Variants in DHX35 observed in about 807,000 individuals in gnomAD.
The protein encoded by DHX35 is DEAH-box helicase 35, also known as probable ATP-dependent RNA helicase DHX35.
Under a neutral mutation model 99.6 loss-of-function variants are expected in DHX35, and 84 were observed. The observed-to-expected ratio is 0.84, with a 90% CI of 0.71 to 1.01. The LOEUF is 1.01. Among genes scored for constraint, DHX35 ranks in the 50% least tolerant of loss-of-function variants. DHX35 has a pLI of 0.00. For synonymous variants in DHX35, 331 were observed against 316.2 expected, an observed-to-expected ratio of 1.05 and a Z score of -0.50; for missense variants, 852 against 888.5, an observed-to-expected ratio of 0.96 and a Z score of 0.52.
In DHX35 at chr20:39,002,792, A is replaced by T; in HGVS notation, c.776A>T (p.Lys259Ile). ...YLQSPVPDYIKSTVETVVKIH... is the reference protein window; with the variant it reads ...YLQSPVPDYIISTVETVVKIH... The stretch of plus-strand genomic sequence containing the variant: ...TTCAGTCCTGTTCCAGATTATATCA[A>T]ATCAACTGTCGAAACTGTGGTGAAA... The change falls in exon 10 of 22, where the codon AAA (lysine) becomes ATA (isoleucine). Residue 259 changes from lysine (K) to isoleucine (I), a missense_variant. Coordinates refer to ENST00000252011, the MANE Select transcript of DHX35 (RefSeq NM_021931.4). 6.2e-7 allele frequency: 1 copy of T among 1,614,204 alleles called. No individual in the cohort carries two copies. Among genetic ancestry groups the T allele is most frequent in the Non-Finnish European group, 8.5e-7 (1 of 1,180,020 alleles).
chr20:39,019,209 A>G (rs544851133), intron 15 of DHX35, among the ~76,000 whole-genome samples: 1 of 152,052 alleles, frequency 6.6e-6, no homozygotes, highest in African/African-American at 2.4e-5. Context: ...AACCACCACT[A>G]CTTTCTGTCT....
chr20:38,970,951 T>C (rs950588901), intron 2 of DHX35, among the ~76,000 whole-genome samples: 2 of 151,858 alleles, frequency 1.3e-5, no homozygotes, highest in African/African-American at 4.8e-5. Context: ...TTAAGTACAG[T>C]TGAGATCTTA....
At chr20:38,991,860 C>G (rs1211677446) in intron 6 of DHX35, among the ~76,000 whole-genome samples, 1 of 152,172 alleles carries the variant, frequency 6.6e-6, no homozygotes, top group African/African-American at 2.4e-5. Context: ...TTTATCACTT[C>G]CCCCTCTTTG....
intron 12 of DHX35, among the ~76,000 whole-genome samples, chr20:39,007,013 A>G (rs1475545125): frequency 6.6e-6 from 1 of 152,208 alleles, no homozygotes; most frequent in East Asian, 1.9e-4. Context: ...AATGCTGCTG[A>G]CATTTTCCCC....
chr20:39,004,355 G>A (rs2086577976), intron 11 of DHX35, among the ~76,000 whole-genome samples: 3 of 152,290 alleles, frequency 2.0e-5, no homozygotes, highest in East Asian at 1.9e-4. Flanking sequence ...GTCAGCCACC[G>A]TGCCCGGCCT....
intron 20 of DHX35, among the ~76,000 whole-genome samples, chr20:39,031,138 G>C (rs1041468844): frequency 4.0e-5 from 6 of 151,790 alleles, no homozygotes. Context: ...CTCTAGCCTG[G>C]GTGACAGAGT....
At position 39,010,284 on chromosome 20, in the gene DHX35, A is replaced by C. The variant is rs959277140; in HGVS notation, c.1227A>C (p.Glu409Asp). Residue 409 changes from glutamate (E) to aspartate (D), a missense_variant, in exon 13 of 22, where the codon GAA (glutamate) becomes GAC (aspartate). Coordinates refer to ENST00000252011, the MANE Select transcript of DHX35 (RefSeq NM_021931.4). ...SGKCYRLYTEEAFDKLPQSTV... is the reference protein window; with the variant it reads ...SGKCYRLYTEDAFDKLPQSTV... ...GTTCTGATTTCCTATCCTCAGAGGA[A>C]GCCTTTGACAAGTTGCCTCAGTCTA... 1 of 1,614,000 alleles carries C rather than the reference A, an allele frequency of 6.2e-7. No homozygotes were observed.
chr20:39,027,909 G>A (rs1466129160), intron 18 of DHX35, among the ~76,000 whole-genome samples: 1 of 152,194 alleles, frequency 6.6e-6, no homozygotes, highest in Non-Finnish European at 1.5e-5. Context: ...GAAGATGTTA[G>A]CTGTAGCAAT....
chr20:38,999,788 A>C (rs1214107545), intron 8 of DHX35, among the ~76,000 whole-genome samples: 1 of 152,178 alleles, frequency 6.6e-6, no homozygotes, highest in African/African-American at 2.4e-5. Flanking sequence ...CAAAATGGCC[A>C]CTGGAGTCTG....
intron 15 of DHX35, among the ~76,000 whole-genome samples, chr20:39,020,331 C>G (rs2086853497): frequency 6.6e-6 from 1 of 152,144 alleles, no homozygotes; most frequent in Non-Finnish European, 1.5e-5. Context: ...CTACTATTTT[C>G]CATTAATAGG....
chr20:38,983,586 G>A (rs772986355), intron 3 of DHX35, 113 bp from the exon 4 acceptor site: 14 of 770,378 alleles, frequency 1.8e-5, no homozygotes, highest in Non-Finnish European at 2.8e-5. Flanking sequence ...GCTGGGACAA[G>A]AACTGTACTT....
chr20:39,020,323 A>G (rs1316720461), intron 15 of DHX35, among the ~76,000 whole-genome samples: 1 of 152,188 alleles, frequency 6.6e-6, no homozygotes, highest in Non-Finnish European at 1.5e-5. Context: ...GTAGTGCCCT[A>G]CTATTTTCCA....
At chr20:39,005,038 A>G (rs2086589853) in intron 11 of DHX35, among the ~76,000 whole-genome samples, 1 of 141,724 alleles carries the variant, frequency 7.1e-6, no homozygotes, top group South Asian at 2.2e-4. Flanking sequence ...CAGCTGTAAA[A>G]CGTAAATAAT....
chr20:39,028,880 T>G (rs1271989894), intron 19 of DHX35, among the ~76,000 whole-genome samples: 1 of 152,190 alleles, frequency 6.6e-6, no homozygotes, highest in African/African-American at 2.4e-5. Flanking sequence ...ACGACTGAAG[T>G]CCCCTCCCAC....
rs981295126 is a variant in DHX35, at chr20:39,034,097, C to T, written c.1956-109C>T. On this transcript the variant is annotated intron_variant, in intron 20 of 21. Transcript: ENST00000252011. ...TGCATGTGTTTAGCACAGTGTCTGGCACATAGAGTAGAACCTGTTAAAGGT... is the reference window on the plus strand; with the variant it reads ...TGCATGTGTTTAGCACAGTGTCTGGTACATAGAGTAGAACCTGTTAAAGGT... The T allele has an allele frequency of 4.0e-5, 31 of 772,212 alleles. No homozygotes were observed. In the Admixed American group the frequency reaches 6.2e-4, roughly 15 times the overall value. The allele number at this position is 772,212 out of a possible 1,614,324, so 47.8% of individuals were successfully genotyped here.
At chr20:38,975,190 GAAAGGTAGACAGACCTAGT>G (rs1402241019) in intron 3 of DHX35, among the ~76,000 whole-genome samples, 1 of 152,058 alleles carries the variant, frequency 6.6e-6, no homozygotes, top group Non-Finnish European at 1.5e-5. Context: ...GACAGCTAGG[GAAAGGTAGACAGACCTAGT>G]AAAGGTAGAT....
intron 4 of DHX35, among the ~76,000 whole-genome samples, 191 bp downstream of exon 4, chr20:38,983,967 T>C (rs1254159343): frequency 6.6e-6 from 1 of 152,202 alleles, no homozygotes; most frequent in Non-Finnish European, 1.5e-5. Context: ...TGGGGTGCAA[T>C]GGAGCTATCT....
intron 4 of DHX35, among the ~76,000 whole-genome samples, chr20:38,988,485 C>G (rs2086282545): frequency 6.6e-6 from 1 of 152,068 alleles, no homozygotes; most frequent in South Asian, 2.1e-4. Context: ...CAAAAATTAG[C>G]TGGGCCTGGT....
chr20:38,962,405 C>G lies in DHX35; in HGVS notation c.38C>G (p.Pro13Arg). The G allele has an allele frequency of 2.5e-6, 4 of 1,612,674 alleles. No homozygotes were observed. The highest frequency in any genetic ancestry group is 2.5e-6 in the Non-Finnish European group (3 of 1,179,286). ...APVGPVKFWR[P>R]GTEGPGVSIS... ...GTGGGACCGGTGAAGTTCTGGCGAC[C>G]CGGTAAGGCCCTTGGTGGAACGCTG... The change falls in exon 1 of 22, where the codon CCC becomes CGC. Residue 13 changes from proline (P) to arginine (R), a missense_variant and splice_region_variant. By Grantham distance (103) the Pro-to-Arg change is moderately radical. Transcript: ENST00000252011.
Sources: gnomAD v4.1 joint callset for allele counts (sites outside exome capture counted in the v4.1 genomes callset) on GRCh38, gnomAD v4.1.1 for gene constraint, MANE v1.5 for transcripts, NCBI Gene and HGNC (gene_info 2026-07-23, HGNC 2026-07-21) for gene names.